CNTN1: variants seen among roughly 807,000 people sequenced by gnomAD.
The protein encoded by CNTN1 is contactin 1.
In CNTN1, 38 loss-of-function variants were observed where a neutral mutation model predicts 126.4. That is an observed-to-expected ratio of 0.30 (90% CI 0.23 to 0.39). The LOEUF is 0.39. Among genes scored for constraint, CNTN1 ranks in the 10% least tolerant of loss-of-function variants. The pLI, the probability that CNTN1 is intolerant of heterozygous loss-of-function variation, is 1.00. For synonymous variants in CNTN1, 413 were observed against 422.6 expected, an observed-to-expected ratio of 0.98 and a Z score of 0.28; for missense variants, 1,009 against 1,248.4, an observed-to-expected ratio of 0.81 and a Z score of 2.89.
intron 23 of CNTN1, among the ~76,000 whole-genome samples, chr12:41,041,569 A>G (rs1949410679): frequency 6.6e-6 from 1 of 152,178 alleles, no homozygotes; most frequent in African/African-American, 2.4e-5. Flanking sequence ...TTGGTAAACT[A>G]TTGATTATTG....
chr12:40,792,589 C>T (rs1240983829), intron 1 of CNTN1, among the ~76,000 whole-genome samples: 2 of 152,046 alleles, frequency 1.3e-5, no homozygotes, highest in African/African-American at 4.8e-5. Flanking sequence ...AGGACACAGA[C>T]TTATCTGTGG....
intron 15 of CNTN1, among the ~76,000 whole-genome samples, chr12:40,967,729 A>G (rs1434221927): frequency 6.6e-6 from 1 of 152,158 alleles, no homozygotes; most frequent in Admixed American, 6.5e-5. Context: ...AGAGATACCT[A>G]CAAGTCTCGA....
chr12:40,966,800 C>T (rs1302062186), intron 15 of CNTN1, among the ~76,000 whole-genome samples: 1 of 152,078 alleles, frequency 6.6e-6, no homozygotes, highest in Non-Finnish European at 1.5e-5. Context: ...TCTAGATGAA[C>T]ACTTCATCTT....
intron 1 of CNTN1, among the ~76,000 whole-genome samples, chr12:40,757,325 T>C (rs993720141): frequency 6.6e-6 from 1 of 151,850 alleles, no homozygotes; most frequent in African/African-American, 2.4e-5. Context: ...AGATGAAATA[T>C]TATCTTCCAC....
At position 40,755,818 on chromosome 12, in the gene CNTN1, A is replaced by G. The variant is rs117618714; in HGVS notation, c.-77+63226A>G. Among the ~76,000 whole-genome samples the G allele has an allele frequency of 6.6e-5, 10 of 152,084 alleles. No homozygotes were observed. In the East Asian group the frequency reaches 1.7e-3, roughly 26 times the overall value. On this transcript the variant is annotated intron_variant, in intron 1 of 23. Transcript: ENST00000551295. ...GATCTTGTAGAATACAGTCTTGTAG[A>G]CCCTTATTATTATATGGTACTTGCC...
At chr12:40,858,766 G>T (rs999115997) in intron 1 of CNTN1, among the ~76,000 whole-genome samples, 4 of 152,138 alleles carry the variant, frequency 2.6e-5, no homozygotes, top group Non-Finnish European at 5.9e-5. Flanking sequence ...AGAAAATGTG[G>T]TATATATACA....
At chr12:40,850,065 G>A (rs1394385145) in intron 1 of CNTN1, among the ~76,000 whole-genome samples, 2 of 151,930 alleles carry the variant, frequency 1.3e-5, no homozygotes, top group Admixed American at 1.3e-4. Flanking sequence ...ATGTATATTT[G>A]TAAATGCTTG....
At chr12:40,840,333 C>A (rs1396989166) in intron 1 of CNTN1, among the ~76,000 whole-genome samples, 3 of 151,208 alleles carry the variant, frequency 2.0e-5, no homozygotes, top group Admixed American at 2.0e-4. Flanking sequence ...ACTGGAGTAC[C>A]CAGATTTATA....
chr12:40,752,004 A>T (rs1295844370), intron 1 of CNTN1, among the ~76,000 whole-genome samples: 1 of 152,070 alleles, frequency 6.6e-6, no homozygotes, highest in Non-Finnish European at 1.5e-5. Flanking sequence ...GTTCTACTGG[A>T]GTGAATTTTT....
intron 1 of CNTN1, among the ~76,000 whole-genome samples, chr12:40,830,846 G>T: frequency 9.3e-6 from 1 of 107,838 alleles, no homozygotes; most frequent in Admixed American, 1.0e-4. Context: ...CTCTTTATCT[G>T]TCTACCTAAC....
chr12:41,040,256 C>T (rs1451103866), intron 23 of CNTN1, among the ~76,000 whole-genome samples: 1 of 152,090 alleles, frequency 6.6e-6, no homozygotes, highest in Non-Finnish European at 1.5e-5. Context: ...TCTATAATTG[C>T]TCAAAGCGAT....
chr12:40,958,844 T>C (rs1390020900), intron 14 of CNTN1, among the ~76,000 whole-genome samples: 1 of 152,086 alleles, frequency 6.6e-6, no homozygotes, highest in Non-Finnish European at 1.5e-5. Flanking sequence ...GTTTCATCCC[T>C]TGAGTTTCTC....
Position 40,929,855 on chromosome 12 carries a change from C to A in CNTN1, c.556C>A (p.Arg186=), listed in dbSNP as rs1191888454. ...EFPVFITMDK[R]RFVSQTNGNL... ...TCCTGTATTTATCACAATGGATAAA[C>A]GGCGATTTGTGTCTCAGACAAATGG... is the stretch of plus-strand genomic sequence containing the variant. Residue 186 remains arginine (R), a synonymous_variant, in exon 7 of 24, where the codon CGG becomes AGG. Transcript: ENST00000551295. 1.9e-6 allele frequency: 3 copies of A among 1,612,584 alleles called. No individual in the cohort carries two copies. The highest frequency in any genetic ancestry group is 2.5e-6 in the Non-Finnish European group (3 of 1,178,998).
chr12:40,922,596 C>T (rs1945485203), intron 5 of CNTN1, among the ~76,000 whole-genome samples, 168 bp downstream of exon 5: 1 of 152,086 alleles, frequency 6.6e-6, no homozygotes, highest in Non-Finnish European at 1.5e-5. Context: ...ACAAGGCATA[C>T]TATGAATGCA....
At chr12:40,872,187 C>T (rs1199444627) in intron 1 of CNTN1, among the ~76,000 whole-genome samples, 8 of 145,718 alleles carry the variant, frequency 5.5e-5, no homozygotes, top group African/African-American at 7.7e-5. Context: ...TAAGAGATTT[C>T]GGTAGGGTTT....
intron 1 of CNTN1, among the ~76,000 whole-genome samples, chr12:40,788,572 T>C (rs1052854262): frequency 1.3e-5 from 2 of 152,072 alleles, no homozygotes; most frequent in Non-Finnish European, 2.9e-5. Context: ...TCCGGTAGCA[T>C]TAAAATCACA....
rs1467373690 is a variant in CNTN1, at chr12:41,070,000, C to T, written c.3022C>T (p.Pro1008Ser). 6.2e-7 allele frequency: 1 copy of T among 1,613,918 alleles called. No homozygotes were observed. Among genetic ancestry groups the T allele is most frequent in the Non-Finnish European group, 8.5e-7 (1 of 1,179,984 alleles). The part of the protein sequence containing the change: ...LSPSLLGLLL[P>S]AFGILVYLEF ...CCCAAGTCTTCTCGGCTTACTGCTG[C>T]CTGCCTTTGGCATCCTTGTCTACTT... The change falls in exon 24 of 24, where the codon CCT (proline) becomes TCT (serine). Residue 1008 changes from proline (P) to serine (S), a missense_variant. Coordinates refer to ENST00000551295, the MANE Select transcript of CNTN1 (RefSeq NM_001843.4).
rs560289729 is a variant in CNTN1, at chr12:40,832,824, C to T, written c.-76-75533C>T. Among the ~76,000 whole-genome samples, 4 of 152,232 alleles carry T rather than the reference C, an allele frequency of 2.6e-5. No homozygotes were observed. In the East Asian group the frequency reaches 5.8e-4, roughly 22 times the overall value. On this transcript the variant is annotated intron_variant, in intron 1 of 23. Coordinates refer to ENST00000551295, the MANE Select transcript of CNTN1 (RefSeq NM_001843.4). The stretch of plus-strand genomic sequence containing the variant: ...ACCACCTTCCTTATCTGGGCTCTCA[C>T]ACTCTGGGCCACTATCCACTTGGCT...
intron 1 of CNTN1, among the ~76,000 whole-genome samples, chr12:40,844,985 G>A (rs897670958): frequency 1.3e-5 from 2 of 152,146 alleles, no homozygotes; most frequent in Admixed American, 6.5e-5. Context: ...GCACTCTTCT[G>A]TTATTCCAAA....
Sources: gnomAD v4.1 joint callset for allele counts (sites outside exome capture counted in the v4.1 genomes callset) on GRCh38, gnomAD v4.1.1 for gene constraint, MANE v1.5 for transcripts, NCBI Gene and HGNC (gene_info 2026-07-23, HGNC 2026-07-21) for gene names.